Variants in LHPP observed in about 807,000 individuals in gnomAD.
LHPP encodes the protein hLHPP.
LHPP carries 24 observed loss-of-function variants against 30.3 expected under a neutral mutation model. That is an observed-to-expected ratio of 0.79 (90% CI 0.57 to 1.11). The LOEUF (loss-of-function observed/expected upper bound fraction) is 1.11, where lower values mean the gene tolerates loss of function less well. Among genes scored for constraint, LHPP ranks in the 50% most tolerant of loss-of-function variants. The pLI, the probability that LHPP is intolerant of heterozygous loss-of-function variation, is 0.00. For missense variants in LHPP, 356 were observed against 367.2 expected, an observed-to-expected ratio of 0.97 and a Z score of 0.25; for synonymous variants, 150 against 157.1, an observed-to-expected ratio of 0.95 and a Z score of 0.34.
chr10:124,507,160 A>C (rs113695408), intron 5 of LHPP, among the ~76,000 whole-genome samples: 1 of 35,994 alleles, frequency 2.8e-5, no homozygotes, highest in African/African-American at 1.2e-4. Context: ...TTCAGGTGGG[A>C]GGGTAGGCAG....
chr10:124,514,009 AC>A (rs1348360505), intron 5 of LHPP, among the ~76,000 whole-genome samples: 9 of 152,144 alleles, frequency 5.9e-5, no homozygotes, highest in African/African-American at 2.2e-4. Flanking sequence ...TGCTCAAGAC[AC>A]ATTTGCTGAG....
At chr10:124,589,021 G>GGCT (rs1354735557) in intron 6 of LHPP, among the ~76,000 whole-genome samples, 1 of 152,198 alleles carries the variant, frequency 6.6e-6, no homozygotes, top group Non-Finnish European at 1.5e-5. Context: ...CCAGCAGCGC[G>GGCT]GCTGTGAGGG....
At chr10:124,566,836 G>T (rs1652743432) in intron 6 of LHPP, among the ~76,000 whole-genome samples, 1 of 152,168 alleles carries the variant, frequency 6.6e-6, no homozygotes, top group Non-Finnish European at 1.5e-5. Flanking sequence ...CCTGCACTTT[G>T]TCCAGGGGCA....
intron 6 of LHPP, among the ~76,000 whole-genome samples, chr10:124,519,945 G>T (rs1413785336): frequency 6.6e-6 from 1 of 151,888 alleles, no homozygotes; most frequent in African/African-American, 2.4e-5. Context: ...CCATTCTCCT[G>T]CCTCAGCCTC....
chr10:124,485,406 G>A (rs781482752), intron 2 of LHPP, among the ~76,000 whole-genome samples: 5 of 151,900 alleles, frequency 3.3e-5, no homozygotes, highest in East Asian at 1.9e-4. Context: ...ACAAGCAGAC[G>A]GCAAAGCTGG....
chr10:124,507,181 C>G (rs1315588356), intron 5 of LHPP, among the ~76,000 whole-genome samples: 4 of 31,134 alleles, frequency 1.3e-4, no homozygotes, highest in Admixed American at 4.6e-4. Context: ...GATTTCAGGT[C>G]AGGGGGATAG....
Position 124,525,317 on chromosome 10 carries a change from C to A in LHPP, c.716+8046C>A, listed in dbSNP as rs1038414390. ...GGTTTTTGTCTCCTGGACACATGGGCGTGAGTCCTTCTGGGGCGGATCTGC... is the reference window on the plus strand; with the variant it reads ...GGTTTTTGTCTCCTGGACACATGGGAGTGAGTCCTTCTGGGGCGGATCTGC... On this transcript the variant is annotated intron_variant, in intron 6 of 6. Transcript: ENST00000368842. 3.9e-5 allele frequency among the ~76,000 whole-genome samples: 6 copies of A among 152,198 alleles called. No individual in the cohort carries two copies. In the South Asian group the frequency reaches 1.0e-3, roughly 26 times the overall value.
intron 6 of LHPP, among the ~76,000 whole-genome samples, chr10:124,594,053 C>T (rs907172032): frequency 1.3e-5 from 2 of 152,276 alleles, no homozygotes; most frequent in East Asian, 3.9e-4. Flanking sequence ...AAGACAGCAT[C>T]GGCCGGACGT....
At chr10:124,470,709 G>A (rs561473028) in intron 1 of LHPP, among the ~76,000 whole-genome samples, 1 of 151,320 alleles carries the variant, frequency 6.6e-6, no homozygotes, top group East Asian at 2.0e-4. Context: ...CTGTGGGCCT[G>A]GGCTGGAACT....
chr10:124,581,768 T>C lies in LHPP; in HGVS notation c.717-31496T>C, dbSNP rs200814201. On this transcript the variant is annotated intron_variant, in intron 6 of 6. Transcript: ENST00000368842. Reference sequence around the variant, plus strand: ...ATTTTAATACATACATATATGTATATACACACACACACACACACACATTTT... The same window carrying C: ...ATTTTAATACATACATATATGTATACACACACACACACACACACACATTTT... Among the ~76,000 whole-genome samples, 658 of 100,820 alleles carry C rather than the reference T, an allele frequency of 6.5e-3. 7 individuals carry two copies. Among genetic ancestry groups the C allele is most frequent in the East Asian group, 0.023 (95 of 4,112 alleles). 66.1% of individuals were successfully genotyped at this position (100,820 alleles called of 152,430 possible).
At chr10:124,551,911 G>A (rs1176559407) in intron 6 of LHPP, among the ~76,000 whole-genome samples, 1 of 151,996 alleles carries the variant, frequency 6.6e-6, no homozygotes, top group Non-Finnish European at 1.5e-5. Context: ...TTCCTACAGT[G>A]CTTTTCCACC....
At chr10:124,612,262 C>T (rs957117899) in intron 6 of LHPP, among the ~76,000 whole-genome samples, 2 of 152,114 alleles carry the variant, frequency 1.3e-5, no homozygotes, top group African/African-American at 2.4e-5. Flanking sequence ...CAAAAAAAGC[C>T]GGGCGTGGTG....
At chr10:124,588,112 C>T (rs370558221) in intron 6 of LHPP, among the ~76,000 whole-genome samples, 13 of 152,242 alleles carry the variant, frequency 8.5e-5, no homozygotes, top group African/African-American at 2.4e-4. Flanking sequence ...TTTGAGAAAA[C>T]GTGACCCACT....
At chr10:124,509,685 C>T (rs1326756900) in intron 5 of LHPP, among the ~76,000 whole-genome samples, 1 of 151,332 alleles carries the variant, frequency 6.6e-6, no homozygotes, top group Non-Finnish European at 1.5e-5. Context: ...AGCCTGGGTT[C>T]CTTTGGGGCC....
chr10:124,548,727 G>A (rs1201393808), intron 6 of LHPP, among the ~76,000 whole-genome samples: 2 of 152,238 alleles, frequency 1.3e-5, no homozygotes, highest in East Asian at 1.9e-4. Flanking sequence ...GGGCGGGCAG[G>A]TGGATCTTCG....
intron 5 of LHPP, among the ~76,000 whole-genome samples, chr10:124,512,093 G>A (rs1589816116): frequency 6.6e-6 from 1 of 152,298 alleles, no homozygotes; most frequent in East Asian, 1.9e-4. Flanking sequence ...GGAATTACCT[G>A]ATTAATGTCT....
chr10:124,608,808 T>G (rs541907595), intron 6 of LHPP, among the ~76,000 whole-genome samples: 4 of 152,296 alleles, frequency 2.6e-5, no homozygotes, highest in African/African-American at 7.2e-5. Context: ...GGGATCTGAG[T>G]AAGCCGGAGA....
At chr10:124,610,389 C>A (rs71488618) in intron 6 of LHPP, among the ~76,000 whole-genome samples, 23 of 119,948 alleles carry the variant, frequency 1.9e-4, no homozygotes, top group South Asian at 8.8e-4. Context: ...GGTGAGGGTG[C>A]GGGTGAGGGT....
chr10:124,471,753 A>T (rs71486701), intron 1 of LHPP, among the ~76,000 whole-genome samples: 3 of 111,038 alleles, frequency 2.7e-5, no homozygotes, highest in Non-Finnish European at 5.3e-5. Flanking sequence ...ATATATTTGT[A>T]TATATATATA....
Sources: allele counts gnomAD v4.1 joint callset (sites outside exome capture counted in the v4.1 genomes callset), GRCh38; gene constraint gnomAD v4.1.1; transcripts MANE v1.5; gene names NCBI Gene and HGNC (gene_info 2026-07-23, HGNC 2026-07-21).